DPP10: variants seen among roughly 807,000 people sequenced by gnomAD.
DPP10 encodes the protein dipeptidyl peptidase like 10, also known as inactive dipeptidyl peptidase 10.
DPP10 carries 33 observed loss-of-function variants against 120.9 expected under a neutral mutation model. The ratio of observed to expected loss-of-function variants is 0.27; its 90% CI spans 0.21 to 0.37. DPP10 has a LOEUF of 0.37. Among genes scored for constraint, DPP10 ranks in the 10% least tolerant of loss-of-function variants. DPP10 has a pLI of 1.00. For synonymous variants in DPP10, 337 were observed against 326.1 expected (o/e 1.03, Z -0.36); for missense variants, 816 against 942.8 (o/e 0.87, Z 1.76).
At chr2:115,056,016 A>T (rs1269501624) in intron 1 of DPP10, among the ~76,000 whole-genome samples, 2 of 152,254 alleles carry the variant, frequency 1.3e-5, no homozygotes, top group African/African-American at 4.8e-5. Context: ...TGCAATAGTC[A>T]TATCTACTAC....
At chr2:114,986,251 C>T (rs1358907021) in intron 1 of DPP10, among the ~76,000 whole-genome samples, 1 of 152,174 alleles carries the variant, frequency 6.6e-6, no homozygotes, top group Non-Finnish European at 1.5e-5. Flanking sequence ...ATCCCACAAA[C>T]TTCTAAAAGC....
chr2:115,436,443 T>C (rs2071502340), intron 3 of DPP10, among the ~76,000 whole-genome samples: 1 of 151,860 alleles, frequency 6.6e-6, no homozygotes, highest in African/African-American at 2.4e-5. Flanking sequence ...CTGAGAAGTG[T>C]TATACTGAAA....
At chr2:114,872,664 C>T (rs573433498) in intron 1 of DPP10, among the ~76,000 whole-genome samples, 1 of 152,298 alleles carries the variant, frequency 6.6e-6, no homozygotes, top group Admixed American at 6.5e-5. Context: ...TTACTTACCA[C>T]TTTCATGTAC....
chr2:115,311,778 T>C lies in DPP10; in HGVS notation c.175+2425T>C, dbSNP rs562464621. On this transcript the variant is annotated intron_variant, in intron 2 of 25. Transcript: ENST00000410059. Reference sequence around the variant, plus strand: ...GGCATTTATTTATTTATTTATGTTTTGTTTTAAGATGGGGTCTCGCTCTGT... The same window carrying C: ...GGCATTTATTTATTTATTTATGTTTCGTTTTAAGATGGGGTCTCGCTCTGT... Among the ~76,000 whole-genome samples the C allele has an allele frequency of 2.6e-5, 4 of 152,196 alleles. No homozygotes were observed. In the South Asian group the frequency reaches 6.2e-4, roughly 24 times the overall value.
At chr2:115,691,318 A>G (rs2091302515) in intron 7 of DPP10, among the ~76,000 whole-genome samples, 1 of 152,258 alleles carries the variant, frequency 6.6e-6, no homozygotes, top group East Asian at 1.9e-4. Context: ...CAATGAAATC[A>G]TACTTCTCTA....
At chr2:115,493,445 G>T (rs1344483269) in intron 3 of DPP10, among the ~76,000 whole-genome samples, 2 of 151,642 alleles carry the variant, frequency 1.3e-5, no homozygotes, top group Non-Finnish European at 2.9e-5. Context: ...GGAAATGTCA[G>T]GACATTAGTT....
chr2:115,475,153 A>G (rs1002617576), intron 3 of DPP10, among the ~76,000 whole-genome samples: 1 of 152,132 alleles, frequency 6.6e-6, no homozygotes, highest in African/African-American at 2.4e-5. Flanking sequence ...CCTCCATGGC[A>G]GTACTTCTCC....
chr2:114,588,862 G>T (rs1250231695), intron 1 of DPP10, among the ~76,000 whole-genome samples: 3 of 152,002 alleles, frequency 2.0e-5, no homozygotes, highest in Non-Finnish European at 4.4e-5. Flanking sequence ...GATTTTTGTT[G>T]TATGTTACTG....
chr2:114,677,315 A>G (rs1451927953), intron 1 of DPP10, among the ~76,000 whole-genome samples: 1 of 152,064 alleles, frequency 6.6e-6, no homozygotes, highest in African/African-American at 2.4e-5. Context: ...CTCCACCCAT[A>G]CTCAAGTTAT....
rs185672763 is a variant in DPP10 at position 115,755,015 on chromosome 2, G to A, written c.1074+1718G>A. On this transcript the variant is annotated intron_variant, in intron 11 of 25. Transcript: ENST00000410059. ...CACATGTGCAGTTAAATGAGTTTTGGCAAATGCATATATCCCGTAATTCAC... is the reference window on the plus strand; with the variant it reads ...CACATGTGCAGTTAAATGAGTTTTGACAAATGCATATATCCCGTAATTCAC... Among the ~76,000 whole-genome samples the A allele has an allele frequency of 1.4e-4, 22 of 152,126 alleles. 1 individual carries two copies. The East Asian group carries it at 3.7e-3, about 25-fold the overall frequency.
At chr2:114,486,417 T>A (rs1000330671) in intron 1 of DPP10, among the ~76,000 whole-genome samples, 8 of 152,206 alleles carry the variant, frequency 5.3e-5, no homozygotes, top group African/African-American at 1.7e-4. Flanking sequence ...AATAATTTTT[T>A]AATAATATTT....
chr2:114,950,415 C>T (rs1697693554), intron 1 of DPP10, among the ~76,000 whole-genome samples: 2 of 151,364 alleles, frequency 1.3e-5, no homozygotes, highest in African/African-American at 4.9e-5. Flanking sequence ...CTGCCTCAGC[C>T]TCCTGAGTAG....
intron 2 of DPP10, among the ~76,000 whole-genome samples, chr2:115,329,703 T>C (rs890659785): frequency 3.9e-5 from 6 of 152,166 alleles, no homozygotes; most frequent in African/African-American, 1.2e-4. Flanking sequence ...TTTTTGTCTT[T>C]GCGACAGTTT....
chr2:115,124,337 C>A (rs952176232), intron 1 of DPP10, among the ~76,000 whole-genome samples: 4 of 152,186 alleles, frequency 2.6e-5, no homozygotes, highest in Admixed American at 6.5e-5. Context: ...CGTGAGCATT[C>A]TTGATTCACC....
At position 114,749,842 on chromosome 2, in the gene DPP10, T is replaced by A. The variant is rs1679036358; in HGVS notation, c.60+307004T>A. On this transcript the variant is annotated intron_variant, in intron 1 of 25. Coordinates refer to ENST00000410059, the MANE Select transcript of DPP10 (RefSeq NM_020868.6). ...ACAATGATGGCACAACTGCAATCAT[T>A]CCAAATTATGTTGTAAATTTGTCCT... Among the ~76,000 whole-genome samples, 3 of 152,128 alleles carry A rather than the reference T, an allele frequency of 2.0e-5. No individual in the cohort carries two copies. In the South Asian group the frequency reaches 6.2e-4, roughly 31 times the overall value.
chr2:114,627,407 C>G (rs938353353), intron 1 of DPP10, among the ~76,000 whole-genome samples: 1 of 152,074 alleles, frequency 6.6e-6, no homozygotes, highest in African/African-American at 2.4e-5. Flanking sequence ...TGTATGCTAT[C>G]TTGTTAAAAC....
intron 1 of DPP10, among the ~76,000 whole-genome samples, chr2:114,491,230 A>G (rs2104438446): frequency 6.6e-6 from 1 of 152,300 alleles, no homozygotes; most frequent in Admixed American, 6.5e-5. Flanking sequence ...CCAAACTTTT[A>G]AAGTTTGGAA....
intron 3 of DPP10, among the ~76,000 whole-genome samples, chr2:115,464,966 A>G (rs1247407402): frequency 2.0e-5 from 3 of 152,276 alleles, no homozygotes; most frequent in Non-Finnish European, 4.4e-5. Context: ...TAATTATACC[A>G]TGGTCTCGTT....
chr2:115,281,949 T>A (rs2060174738), intron 1 of DPP10, among the ~76,000 whole-genome samples: 1 of 152,102 alleles, frequency 6.6e-6, no homozygotes, highest in Non-Finnish European at 1.5e-5. Flanking sequence ...TTTTTACATA[T>A]GTACTTAAAA....
Sources: allele counts gnomAD v4.1 joint callset (sites outside exome capture counted in the v4.1 genomes callset), GRCh38; gene constraint gnomAD v4.1.1; transcripts MANE v1.5; gene names NCBI Gene and HGNC (gene_info 2026-07-23, HGNC 2026-07-21).